Variants in MICU3 observed in about 807,000 individuals in gnomAD.
MICU3 encodes the protein calcium uptake protein 3, mitochondrial.
Under a neutral mutation model 66.5 loss-of-function variants are expected in MICU3, and 62 were observed. The ratio of observed to expected loss-of-function variants is 0.93; its 90% CI spans 0.76 to 1.15. The LOEUF is 1.15. Ranked by LOEUF, MICU3 falls within the 50% of genes most tolerant of loss-of-function variation. The pLI, the probability that MICU3 is intolerant of heterozygous loss-of-function variation, is 0.00. For synonymous variants in MICU3, 308 were observed against 240.7 expected, an observed-to-expected ratio of 1.28 and a Z score of -2.59; for missense variants, 779 against 664.4, an observed-to-expected ratio of 1.17 and a Z score of -1.90.
intron 8 of MICU3, among the ~76,000 whole-genome samples, chr8:17,096,224 G>C (rs1260809716): frequency 6.6e-6 from 1 of 151,842 alleles, no homozygotes; most frequent in Non-Finnish European, 1.5e-5. Flanking sequence ...AGTTACACCT[G>C]GGCATTTTTC....
intron 1 of MICU3, among the ~76,000 whole-genome samples, chr8:17,053,842 G>C (rs1816485525): frequency 6.6e-6 from 1 of 152,194 alleles, no homozygotes; most frequent in Non-Finnish European, 1.5e-5. Context: ...AATGTGAAAA[G>C]GGTGTCAGGC....
intron 1 of MICU3, among the ~76,000 whole-genome samples, chr8:17,038,381 C>G (rs1813421126): frequency 6.6e-6 from 1 of 152,318 alleles, no homozygotes; most frequent in South Asian, 2.1e-4. Flanking sequence ...TGCACATGCT[C>G]TCTTGACTGC....
intron 8 of MICU3, among the ~76,000 whole-genome samples, chr8:17,092,457 TA>T: frequency 6.6e-6 from 1 of 152,104 alleles, no homozygotes; most frequent in East Asian, 1.9e-4. Context: ...GCCTGTTAAA[TA>T]AAAAATTATG....
chr8:17,100,557 A>C (rs1356929884), intron 9 of MICU3, among the ~76,000 whole-genome samples: 2 of 151,762 alleles, frequency 1.3e-5, no homozygotes, highest in Admixed American at 6.6e-5. Flanking sequence ...TTCAGGATTC[A>C]AATTGGTTCA....
chr8:17,043,443 G>T (rs560163136), intron 1 of MICU3, among the ~76,000 whole-genome samples: 2 of 152,218 alleles, frequency 1.3e-5, no homozygotes, highest in East Asian at 3.9e-4. Flanking sequence ...TTGTCCCCAG[G>T]ATATTGAGAA....
intron 1 of MICU3, among the ~76,000 whole-genome samples, chr8:17,043,925 G>A (rs780108172): frequency 6.6e-6 from 1 of 152,200 alleles, no homozygotes; most frequent in South Asian, 2.1e-4. Context: ...GGGTTCTAAT[G>A]TGTATTAAAT....
intron 3 of MICU3, among the ~76,000 whole-genome samples, chr8:17,077,221 C>T (rs1820507721): frequency 6.6e-6 from 1 of 152,170 alleles, no homozygotes; most frequent in African/African-American, 2.4e-5. Flanking sequence ...ACCACAATAA[C>T]TCAGTACCCT....
chr8:17,040,890 A>G (rs1353257496), intron 1 of MICU3, among the ~76,000 whole-genome samples: 2 of 152,160 alleles, frequency 1.3e-5, no homozygotes, highest in Non-Finnish European at 1.5e-5. Context: ...GTGTTATTCA[A>G]GTGTTTTGTC....
chr8:17,084,103 G>C (rs1057043821), intron 5 of MICU3, among the ~76,000 whole-genome samples: 1 of 152,080 alleles, frequency 6.6e-6, no homozygotes, highest in African/African-American at 2.4e-5. Context: ...TTAGAACTAA[G>C]AAAACTGTGA....
intron 3 of MICU3, among the ~76,000 whole-genome samples, chr8:17,071,586 C>A (rs543525585): frequency 6.6e-6 from 1 of 151,322 alleles, no homozygotes; most frequent in South Asian, 2.1e-4. Flanking sequence ...ACAATTGAGA[C>A]CATAATATGT....
intron 3 of MICU3, among the ~76,000 whole-genome samples, chr8:17,075,543 G>A (rs970629623): frequency 3.9e-5 from 6 of 152,156 alleles, no homozygotes; most frequent in Non-Finnish European, 8.8e-5. Context: ...TAGGAGTTTG[G>A]AGGAGGGAGA....
chr8:17,037,181 T>G (rs1356630025), intron 1 of MICU3, among the ~76,000 whole-genome samples: 1 of 151,646 alleles, frequency 6.6e-6, no homozygotes, highest in Non-Finnish European at 1.5e-5. Flanking sequence ...GCAGCCCCAG[T>G]TCCTGCTCGC....
At chr8:17,133,568 C>T in the MICU3 span, among the ~76,000 whole-genome samples, 205 of 152,106 alleles carry the variant, frequency 1.3e-3, 1 homozygote, top group African/African-American at 4.6e-3. Context: ...TTCCTTACTG[C>T]TTTTAAGCTT....
At chr8:17,030,151 A>G (rs116589662) in intron 1 of MICU3, among the ~76,000 whole-genome samples, 130 of 152,328 alleles carry the variant, frequency 8.5e-4, no homozygotes, top group African/African-American at 2.9e-3. Context: ...GATATAAATT[A>G]TAACTTTGTT....
chr8:17,102,105 A>G (rs546335805), intron 9 of MICU3, among the ~76,000 whole-genome samples: 2 of 151,956 alleles, frequency 1.3e-5, no homozygotes, highest in Admixed American at 1.3e-4. Flanking sequence ...AACTCATCTT[A>G]TTTGCTCACC....
intron 1 of MICU3, among the ~76,000 whole-genome samples, chr8:17,047,186 A>G (rs1475561420): frequency 6.6e-6 from 1 of 152,228 alleles, no homozygotes; most frequent in Non-Finnish European, 1.5e-5. Context: ...GCAGATCACT[A>G]TAAAGAATCA....
chr8:17,114,302 C>A, intron 12 of MICU3, 101 bp downstream of exon 12: 1 of 691,450 alleles, frequency 1.4e-6, no homozygotes, highest in Non-Finnish European at 2.4e-6. Context: ...CACCCATCAA[C>A]TTGTGTGAAA....
At chr8:17,122,729 T>C (rs968325169), downstream of MICU3, 2 of 152,046 alleles carry the variant, frequency 1.3e-5, no homozygotes, top group African/African-American at 2.4e-5. Context: ...CTTTATGGGT[T>C]ACTAAACCTC....
At position 17,121,147 on chromosome 8, in the gene MICU3, C is replaced by T. The variant is rs568230375; in HGVS notation, c.*860C>T. 7.2e-5 allele frequency: 11 copies of T among 151,890 alleles called. No individual in the cohort carries two copies. The highest frequency in any genetic ancestry group is 3.9e-4 in the East Asian group (2 of 5,174). The allele number at this position is 151,890 out of a possible 1,614,324, so 9.4% of individuals were successfully genotyped here. On this transcript the variant is annotated 3_prime_UTR_variant, in exon 15 of 15. Coordinates refer to ENST00000318063, the MANE Select transcript of MICU3 (RefSeq NM_181723.3). ...ACGTTAATAACACTAGTAAAAATAACGTCTTACACTCTGTAACTTACTGCA... is the reference window on the plus strand; with the variant it reads ...ACGTTAATAACACTAGTAAAAATAATGTCTTACACTCTGTAACTTACTGCA...
Sources: gnomAD v4.1 joint callset for allele counts (sites outside exome capture counted in the v4.1 genomes callset) on GRCh38, gnomAD v4.1.1 for gene constraint, MANE v1.5 for transcripts, NCBI Gene and HGNC (gene_info 2026-07-23, HGNC 2026-07-21) for gene names.